UGT1A8: variants seen among roughly 807,000 people sequenced by gnomAD.
UGT1A8 encodes the protein UDP-glucuronosyltransferase 1A8.
In UGT1A8, 39 loss-of-function variants were observed where a neutral mutation model predicts 45.3. That is an observed-to-expected ratio of 0.86 (90% CI 0.67 to 1.12). The LOEUF (loss-of-function observed/expected upper bound fraction) is 1.12. Ranked by LOEUF, UGT1A8 falls within the 50% of genes most tolerant of loss-of-function variation. UGT1A8 has a pLI of 0.00. For synonymous variants in UGT1A8, 275 were observed against 249.2 expected, an observed-to-expected ratio of 1.10 and a Z score of -0.97; for missense variants, 719 against 664.9, an observed-to-expected ratio of 1.08 and a Z score of -0.90.
In UGT1A8 at chr2:233,651,339, A is replaced by C. The variant is rs184928239; in HGVS notation, c.855+32777A>C. Reference sequence around the variant, plus strand: ...GATACGGAAAGCTATGTGTGATTTTATATCACCTATCATGTTAAGATATGT... The same window carrying C: ...GATACGGAAAGCTATGTGTGATTTTCTATCACCTATCATGTTAAGATATGT... On this transcript the variant is annotated intron_variant, in intron 1 of 4. Coordinates refer to ENST00000373450, the MANE Select transcript of UGT1A8 (RefSeq NM_019076.5). Among the ~76,000 whole-genome samples, 9 of 152,294 alleles carry C rather than the reference A, an allele frequency of 5.9e-5. No homozygotes were observed. The East Asian group carries it at 1.7e-3, about 29-fold the overall frequency.
chr2:233,755,205 G>C (rs1172737819), intron 1 of UGT1A8: 1 of 1,079,818 alleles, frequency 9.3e-7, no homozygotes, highest in East Asian at 4.8e-5. Flanking sequence ...CTTGCGGTAC[G>C]CCTTCTTGAT....
intron 1 of UGT1A8, among the ~76,000 whole-genome samples, chr2:233,731,010 G>A (rs17868337): frequency 0.016 from 2,364 of 152,256 alleles, 27 homozygotes; most frequent in Admixed American, 0.024. Flanking sequence ...CATGTACATC[G>A]TGAGAGAATC....
intron 1 of UGT1A8, among the ~76,000 whole-genome samples, chr2:233,681,530 CAAAAAAAAAA>C (rs747693860): frequency 6.4e-5 from 5 of 77,710 alleles, no homozygotes; most frequent in Non-Finnish European, 1.3e-4. Context: ...GACTCCATCT[CAAAAAAAAAA>C]AAAAAAAAAA....
chr2:233,619,879 C>T (rs1339451886), intron 1 of UGT1A8, among the ~76,000 whole-genome samples: 2 of 152,054 alleles, frequency 1.3e-5, no homozygotes, highest in African/African-American at 4.8e-5. Flanking sequence ...CATATACTTC[C>T]AAAACATTAT....
chr2:233,762,007 A>G (rs1297893749), intron 1 of UGT1A8, among the ~76,000 whole-genome samples: 1 of 152,144 alleles, frequency 6.6e-6, no homozygotes, highest in African/African-American at 2.4e-5. Flanking sequence ...CTATACCTCC[A>G]ATGTGATTTG....
At chr2:233,645,967 G>A (rs549915541) in intron 1 of UGT1A8, among the ~76,000 whole-genome samples, 93 of 152,346 alleles carry the variant, frequency 6.1e-4, no homozygotes, top group Non-Finnish European at 1.2e-3. Context: ...TTCTCTGTGA[G>A]GGTCCTGCCC....
At chr2:233,748,122 C>T (rs1693872650) in intron 1 of UGT1A8, 8 of 1,610,986 alleles carry the variant, frequency 5.0e-6, no homozygotes, top group Non-Finnish European at 8.5e-7. Context: ...CCAGGCAAAA[C>T]AGTTTTTAAA....
Position 233,648,154 on chromosome 2 carries a change from T to C in UGT1A8, c.855+29592T>C, listed in dbSNP as rs144106938. On this transcript the variant is annotated intron_variant, in intron 1 of 4. Transcript: ENST00000373450. Reference sequence around the variant, plus strand: ...GGAAGCAGAAGTACGACGCTTATTTTCTCTATTAATGAGTTCATCCAAATG... The same window carrying C: ...GGAAGCAGAAGTACGACGCTTATTTCCTCTATTAATGAGTTCATCCAAATG... 11,429 of 1,185,078 alleles carry C rather than the reference T, an allele frequency of 9.6e-3. 144 individuals carry two copies. The highest frequency in any genetic ancestry group is 9.2e-3 in the Non-Finnish European group (7,774 of 847,752). The allele number at this position is 1,185,078 out of a possible 1,614,324, so 73.4% of individuals were successfully genotyped here.
chr2:233,648,772 A>G (rs1339102041), intron 1 of UGT1A8: 2 of 796,198 alleles, frequency 2.5e-6, no homozygotes, highest in East Asian at 4.3e-5. Context: ...CCTGGATGCC[A>G]TGACTTTTAA....
chr2:233,772,337 C>T lies in UGT1A8; in HGVS notation c.1371C>T (p.Phe457=). The change falls in exon 5 of 5, where the codon TTC becomes TTT. Residue 457 remains phenylalanine (F), a synonymous_variant. Transcript: ENST00000373450. ...RPVEPLDLAV[F]WVEFVMRHKG... is the part of the protein sequence containing the mutation. ...TGGAGCCGCTGGACCTGGCCGTGTTCTGGGTGGAGTTTGTGATGAGGCACA... is the reference window on the plus strand; with the variant it reads ...TGGAGCCGCTGGACCTGGCCGTGTTTTGGGTGGAGTTTGTGATGAGGCACA... 6.2e-7 allele frequency: 1 copy of T among 1,614,256 alleles called. No individual in the cohort carries two copies. The highest frequency in any genetic ancestry group is 8.5e-7 in the Non-Finnish European group (1 of 1,180,042).
chr2:233,718,895 G>A (rs1353556395), intron 1 of UGT1A8: 3 of 1,614,026 alleles, frequency 1.9e-6, no homozygotes, highest in Non-Finnish European at 8.5e-7. Context: ...TCCAGCCCTG[G>A]GCTGAGAGTG....
At position 233,617,891 on chromosome 2, in the gene UGT1A8, G is replaced by A. The variant is rs769803582; in HGVS notation, c.184G>A (p.Val62Met). Reference sequence around the variant, plus strand: ...TGAGGTGGTTGTAGTCATGCCAGAGGTGAGTTGGCAACTGGGAAAATCACT... The same window carrying A: ...TGAGGTGGTTGTAGTCATGCCAGAGATGAGTTGGCAACTGGGAAAATCACT... ...GHEVVVVMPE[V>M]SWQLGKSLNC... is the part of the protein sequence containing the mutation. The change falls in exon 1 of 5, where the codon GTG (valine) becomes ATG (methionine). Residue 62 changes from valine to methionine, a missense_variant. Coordinates refer to ENST00000373450, the MANE Select transcript of UGT1A8 (RefSeq NM_019076.5). 1.2e-6 allele frequency: 2 copies of A among 1,614,032 alleles called. No homozygotes were observed. Among genetic ancestry groups the A allele is most frequent in the Non-Finnish European group, 1.7e-6 (2 of 1,180,040 alleles).
intron 1 of UGT1A8, among the ~76,000 whole-genome samples, chr2:233,629,125 C>T (rs889156297): frequency 3.9e-5 from 6 of 152,068 alleles, no homozygotes; most frequent in Admixed American, 1.3e-4. Flanking sequence ...TCCATTCCCC[C>T]CTCCTCTCAG....
intron 1 of UGT1A8, chr2:233,718,632 C>A: frequency 6.9e-7 from 1 of 1,448,466 alleles, no homozygotes; most frequent in Non-Finnish European, 9.3e-7. Flanking sequence ...TGGTCTTTCC[C>A]AGGGTTGGGC....
intron 1 of UGT1A8, among the ~76,000 whole-genome samples, chr2:233,636,078 C>A (rs1194886055): frequency 1.3e-5 from 2 of 150,840 alleles, no homozygotes; most frequent in Admixed American, 6.7e-5. Flanking sequence ...TGCTGTCTTT[C>A]CCTGGAACAT....
chr2:233,620,362 T>A (rs2125447786), intron 1 of UGT1A8, among the ~76,000 whole-genome samples: 1 of 152,320 alleles, frequency 6.6e-6, no homozygotes, highest in East Asian at 1.9e-4. Flanking sequence ...ACCACCCATG[T>A]GTTGCCTGCA....
intron 1 of UGT1A8, among the ~76,000 whole-genome samples, chr2:233,758,641 A>G (rs1696933975): frequency 6.6e-6 from 1 of 152,212 alleles, no homozygotes; most frequent in Non-Finnish European, 1.5e-5. Flanking sequence ...TCTAAGGAGA[A>G]GAATGAGAGG....
At chr2:233,658,777 T>A (rs2073906868) in intron 1 of UGT1A8, among the ~76,000 whole-genome samples, 1 of 152,256 alleles carries the variant, frequency 6.6e-6, no homozygotes, top group Non-Finnish European at 1.5e-5. Flanking sequence ...AAAACTTGGT[T>A]GTTCATACTG....
rs944391861 is a variant in UGT1A8, at chr2:233,772,995, T to C, written c.*436T>C. ...ACCAATAATGGTCAGTCCTCATCTC[T>C]GTCGTGCTTCATAGGTGCCACCTTG... On this transcript the variant is annotated 3_prime_UTR_variant, in exon 5 of 5. Transcript: ENST00000373450. The C allele has an allele frequency of 2.4e-5, 6 of 254,024 alleles. No individual in the cohort carries two copies. The highest frequency in any genetic ancestry group is 1.4e-4 in the African/African-American group (6 of 44,320). The allele number at this position is 254,024 out of a possible 1,614,324, so 15.7% of individuals were successfully genotyped here.
Sources: gnomAD v4.1 joint callset for allele counts (sites outside exome capture counted in the v4.1 genomes callset) on GRCh38, gnomAD v4.1.1 for gene constraint, MANE v1.5 for transcripts, NCBI Gene and HGNC (gene_info 2026-07-23, HGNC 2026-07-21) for gene names.